Variants in SPATA3 observed in about 807,000 individuals in gnomAD.
SPATA3 encodes the protein spermatogenesis-associated protein 3.
SPATA3 carries 6 observed loss-of-function variants against 5.7 expected under a neutral mutation model. The ratio of observed to expected loss-of-function variants is 1.06; its 90% confidence interval spans 0.58 to 2.09. The LOEUF is 2.09. Ranked by LOEUF, SPATA3 falls within the 30% of genes most tolerant of loss-of-function variation. SPATA3 has a pLI of 0.00. For missense variants in SPATA3, 155 were observed against 130.4 expected, an observed-to-expected ratio of 1.19 and a Z score of -0.92; for synonymous variants, 44 against 48.4, an observed-to-expected ratio of 0.91 and a Z score of 0.37.
At chr2:231,018,071 C>G (rs1007738090) in intron 6 of SPATA3, among the ~76,000 whole-genome samples, 66 of 152,132 alleles carry the variant, frequency 4.3e-4, no homozygotes, top group African/African-American at 1.5e-3. Context: ...ATTACAGGAG[C>G]ACACCACCCC....
chr2:231,011,036 G>C (rs1692767858), downstream of SPATA3, among the ~76,000 whole-genome samples: 1 of 132,560 alleles, frequency 7.5e-6, no homozygotes, highest in Non-Finnish European at 1.5e-5. Context: ...TCGTGCCACT[G>C]CAATCCAGCC....
intron 6 of SPATA3, among the ~76,000 whole-genome samples, chr2:231,019,029 C>T (rs192414145): frequency 4.3e-3 from 621 of 143,862 alleles, no homozygotes; most frequent in Non-Finnish European, 7.0e-3. Context: ...CGCAGTGGCA[C>T]GATCTCGGCT....
chr2:231,002,704 C>G (rs1380260644), exon 3 of SPATA3: 1 of 1,522,234 alleles, frequency 6.6e-7, no homozygotes, highest in Non-Finnish European at 8.8e-7. Context: ...AGAAAACCCT[C>G]CAGTCATCGT....
intron 2 of SPATA3, among the ~76,000 whole-genome samples, chr2:231,002,049 A>G (rs2125100667): frequency 6.6e-6 from 1 of 152,308 alleles, no homozygotes; most frequent in Non-Finnish European, 1.5e-5. Flanking sequence ...GCAGGGAGAG[A>G]CAGGGTCCAT....
downstream of SPATA3, among the ~76,000 whole-genome samples, chr2:231,005,466 CCACCATCATCACCACCACCACCAT>C (rs1692572700): frequency 7.6e-4 from 8 of 10,540 alleles, no homozygotes; most frequent in African/African-American, 2.6e-3. Flanking sequence ...ACCACCACCA[CCACCATCATCACCACCACCACCAT>C]CACCACCATC....
chr2:231,005,427 CCACCACCACAATCACCACCAT>C (rs1692567136), downstream of SPATA3, among the ~76,000 whole-genome samples: 2 of 89,388 alleles, frequency 2.2e-5, no homozygotes, highest in Non-Finnish European at 2.3e-5. Flanking sequence ...ATCATCACCA[CCACCACCACAATCACCACCAT>C]CACCACCACC....
downstream of SPATA3, among the ~76,000 whole-genome samples, chr2:231,009,740 G>T (rs917426090): frequency 2.6e-5 from 4 of 152,214 alleles, no homozygotes; most frequent in African/African-American, 9.7e-5. Flanking sequence ...CTACTCTGTG[G>T]TTAGGTCCTG....
intron 6 of SPATA3, among the ~76,000 whole-genome samples, chr2:231,015,803 G>A (rs1463730560): frequency 6.6e-6 from 1 of 152,246 alleles, no homozygotes; most frequent in Non-Finnish European, 1.5e-5. Flanking sequence ...CCAAGGCCTG[G>A]CCCTCTACGG....
At chr2:231,007,764 C>A (rs557994112), downstream of SPATA3, among the ~76,000 whole-genome samples, 1 of 152,194 alleles carries the variant, frequency 6.6e-6, no homozygotes, top group Non-Finnish European at 1.5e-5. Flanking sequence ...GTGCCTGGTG[C>A]GATTCTACCT....
intron 6 of SPATA3, among the ~76,000 whole-genome samples, chr2:231,018,567 A>T (rs900033439): frequency 2.1e-4 from 32 of 152,092 alleles, no homozygotes; most frequent in Admixed American, 2.0e-3. Flanking sequence ...TCTATTGCCC[A>T]TTTATTTCAG....
downstream of SPATA3, among the ~76,000 whole-genome samples, chr2:231,010,005 G>A (rs11680557): frequency 6.6e-6 from 1 of 152,234 alleles, no homozygotes; most frequent in African/African-American, 2.4e-5. Flanking sequence ...GGGAAGTTTA[G>A]AGCTGGAAAG....
downstream of SPATA3, among the ~76,000 whole-genome samples, chr2:231,005,908 A>G (rs1443072790): frequency 6.6e-6 from 1 of 151,840 alleles, no homozygotes; most frequent in Non-Finnish European, 1.5e-5. Context: ...TCAAACCTGT[A>G]ATCCTAGACC....
chr2:231,007,598 T>C (rs143230379), downstream of SPATA3, among the ~76,000 whole-genome samples: 24 of 152,356 alleles, frequency 1.6e-4, no homozygotes, highest in African/African-American at 5.3e-4. Flanking sequence ...AGGAGGAATG[T>C]GCCGGTTCGC....
rs1692991777 is a variant in SPATA3, at chr2:231,018,654, C to T, written c.*566-1066C>T. 2.0e-5 allele frequency among the ~76,000 whole-genome samples: 3 copies of T among 152,088 alleles called. No individual in the cohort carries two copies. The South Asian group carries it at 6.2e-4, about 32-fold the overall frequency. On this transcript the variant is annotated intron_variant, in intron 6 of 8. Transcript: ENST00000452881. Reference sequence around the variant, plus strand: ...CCAGAATCAAGGAATGCTGAGAAGGCCATCAACACATGTCTGTTTTCAGTA... The same window carrying T: ...CCAGAATCAAGGAATGCTGAGAAGGTCATCAACACATGTCTGTTTTCAGTA...
At chr2:231,005,295 TCACCACCACCATCAC>T (rs1692542647), downstream of SPATA3, among the ~76,000 whole-genome samples, 1 of 48,564 alleles carries the variant, frequency 2.1e-5, no homozygotes, top group African/African-American at 8.7e-5. Flanking sequence ...ATCATCACCA[TCACCACCACCATCAC>T]CACCATCATC....
chr2:231,006,214 A>T (rs1385173482), downstream of SPATA3, among the ~76,000 whole-genome samples: 5 of 151,046 alleles, frequency 3.3e-5, no homozygotes, highest in Non-Finnish European at 7.4e-5. Context: ...AAAAAAAAAA[A>T]AAAAAGGCCG....
At chr2:231,010,383 G>A (rs1692750610), downstream of SPATA3, among the ~76,000 whole-genome samples, 1 of 152,178 alleles carries the variant, frequency 6.6e-6, no homozygotes, top group African/African-American at 2.4e-5. Context: ...GATTCTTCTT[G>A]GCCTCTCTGA....
chr2:231,000,466 C>T lies in SPATA3; in HGVS notation c.891C>T (p.Phe297=), dbSNP rs959641430. ...TGGGGCTATGCCATAGCCGCATCTT[C>T]GATGTCCTTCTGCCTCGGGACTGGC... Residue 297 remains phenylalanine (F), a synonymous_variant, in exon 2 of 3, where the codon TTC becomes TTT. Coordinates refer to ENST00000645363, the Ensembl canonical transcript of SPATA3. The T allele has an allele frequency of 3.9e-6, 6 of 1,550,148 alleles. No homozygotes were observed. In the East Asian group the frequency reaches 7.3e-5, roughly 19 times the overall value.
downstream of SPATA3, among the ~76,000 whole-genome samples, chr2:231,005,037 TCATCATCACCACCACCACCATCAC>T (rs1559197196): frequency 2.3e-5 from 1 of 44,428 alleles, no homozygotes; most frequent in Non-Finnish European, 5.3e-5. Flanking sequence ...ATCATCACCA[TCATCATCACCACCACCACCATCAC>T]CATCATCACC....
Sources: allele counts gnomAD v4.1 joint callset (sites outside exome capture counted in the v4.1 genomes callset), GRCh38; gene constraint gnomAD v4.1.1; transcripts MANE v1.5; gene names NCBI Gene and HGNC (gene_info 2026-07-23, HGNC 2026-07-21).